Variants in GABRB1 observed in about 807,000 individuals in gnomAD.
GABRB1 encodes gamma-aminobutyric acid receptor subunit beta-1.
GABRB1 carries 17 observed loss-of-function variants against 51.6 expected under a neutral mutation model. That is an observed-to-expected ratio of 0.33 (90% confidence interval 0.23 to 0.49). The LOEUF is 0.49. Among genes scored for constraint, GABRB1 ranks in the 20% least tolerant of loss-of-function variants. GABRB1 has a pLI of 0.99. For missense variants in GABRB1, 410 were observed against 600.6 expected, an observed-to-expected ratio of 0.68 and a Z score of 3.32; for synonymous variants, 247 against 218.9, an observed-to-expected ratio of 1.13 and a Z score of -1.14.
At chr4:47,097,471 G>A (rs958316809) in intron 3 of GABRB1, among the ~76,000 whole-genome samples, 4 of 151,196 alleles carry the variant, frequency 2.6e-5, no homozygotes, top group Non-Finnish European at 5.9e-5. Context: ...CCCCATTCCC[G>A]TCCTCAGTAC....
chr4:47,039,832 G>A (rs1190253439), intron 3 of GABRB1, among the ~76,000 whole-genome samples: 6 of 152,180 alleles, frequency 3.9e-5, no homozygotes, highest in Non-Finnish European at 8.8e-5. Context: ...AAAGGCACAG[G>A]GAGGATTGTC....
intron 3 of GABRB1, among the ~76,000 whole-genome samples, chr4:47,038,658 A>C (rs1166461547): frequency 6.6e-6 from 1 of 152,200 alleles, no homozygotes; most frequent in Admixed American, 6.5e-5. Flanking sequence ...AATACCACTT[A>C]ATATCCATTC....
intron 6 of GABRB1, 29 bp downstream of exon 6, chr4:47,403,484 G>A (rs1480547413): frequency 6.2e-7 from 1 of 1,613,564 alleles, no homozygotes. Context: ...AAATGTACTA[G>A]GGGTGCTGTG....
At chr4:47,006,990 A>C (rs942548680) in intron 1 of GABRB1, among the ~76,000 whole-genome samples, 3 of 152,112 alleles carry the variant, frequency 2.0e-5, no homozygotes, top group Admixed American at 1.3e-4. Context: ...CCTACAAAAA[A>C]TTAGCCAGGC....
At chr4:47,373,763 C>T (rs1006217838) in intron 5 of GABRB1, among the ~76,000 whole-genome samples, 4 of 152,078 alleles carry the variant, frequency 2.6e-5, no homozygotes, top group Admixed American at 6.5e-5. Flanking sequence ...TGGGCTCTGA[C>T]GTCAAGAATT....
chr4:47,334,819 T>A (rs1219351522), intron 5 of GABRB1, among the ~76,000 whole-genome samples: 1 of 152,188 alleles, frequency 6.6e-6, no homozygotes, highest in Non-Finnish European at 1.5e-5. Context: ...GCATTTATCC[T>A]TTTTTGATGA....
At chr4:47,392,169 G>A (rs1728020882) in intron 5 of GABRB1, among the ~76,000 whole-genome samples, 1 of 151,860 alleles carries the variant, frequency 6.6e-6, no homozygotes, top group Admixed American at 6.6e-5. Context: ...GCTTGCAGTA[G>A]AGCACAAGTT....
intron 3 of GABRB1, among the ~76,000 whole-genome samples, chr4:47,154,399 T>C (rs1440597703): frequency 1.3e-5 from 2 of 152,070 alleles, no homozygotes; most frequent in African/African-American, 4.8e-5. Flanking sequence ...ATGTATTTCT[T>C]CTCTTCCTTG....
rs1324434158 is a variant in GABRB1 at position 47,195,448 on chromosome 4, TAGATAGATTAGA to T, written c.461+33980_461+33991del. ...GATAGATAGATAGATAGATAGATGA[TAGATAGATTAGA>T]TGATAGATAGATAGATAGATAGATA... On this transcript the variant is annotated intron_variant, in intron 4 of 8. Coordinates refer to ENST00000295454, the MANE Select transcript of GABRB1 (RefSeq NM_000812.4). Among the ~76,000 whole-genome samples the T allele has an allele frequency of 6.0e-5, 5 of 83,308 alleles. 1 individual carries two copies. The East Asian group carries it at 1.9e-3, about 32-fold the overall frequency. The allele number at this position is 83,308 out of a possible 152,430, so 54.7% of individuals were successfully genotyped here.
At chr4:47,297,564 G>T (rs1284548483) in intron 4 of GABRB1, among the ~76,000 whole-genome samples, 3 of 152,146 alleles carry the variant, frequency 2.0e-5, no homozygotes, top group Admixed American at 6.5e-5. Flanking sequence ...CCAGGAAGAG[G>T]TTGAATCTCT....
Position 47,350,208 on chromosome 4 carries a change from T to TAGAGAG in GABRB1, c.544+30000_544+30001insGAGAGA, listed in dbSNP as rs1352652990. ...TTATATATATATATATATATATATATATATATATATAGAGAGAGAGAGAGA... is the reference window on the plus strand; with the variant it reads ...TTATATATATATATATATATATATATAGAGAGATATATATATAGAGAGAGAGAGAGA... On this transcript the variant is annotated intron_variant, in intron 5 of 8. Transcript: ENST00000295454. Among the ~76,000 whole-genome samples, 455 of 91,770 alleles carry TAGAGAG rather than the reference T, an allele frequency of 5.0e-3. 3 individuals carry two copies. The highest frequency in any genetic ancestry group is 0.019 in the East Asian group (46 of 2,360). 60.2% of individuals were successfully genotyped at this position (91,770 alleles called of 152,430 possible). A position where few individuals can be genotyped will look rare whatever the true frequency, so the allele number is the denominator to read the frequency against.
At chr4:47,253,238 G>T (rs373044008) in intron 4 of GABRB1, among the ~76,000 whole-genome samples, 2 of 152,290 alleles carry the variant, frequency 1.3e-5, no homozygotes, top group South Asian at 4.1e-4. Context: ...TTACCGTTAG[G>T]CATTTGAAGA....
chr4:47,156,694 C>T (rs752303504), intron 3 of GABRB1, among the ~76,000 whole-genome samples: 5 of 151,980 alleles, frequency 3.3e-5, no homozygotes, highest in Admixed American at 6.6e-5. Flanking sequence ...TGGGGACAGG[C>T]GCAGTGGCTC....
chr4:47,067,783 T>C (rs954590673), intron 3 of GABRB1, among the ~76,000 whole-genome samples: 2 of 152,158 alleles, frequency 1.3e-5, no homozygotes, highest in African/African-American at 4.8e-5. Context: ...TATGCAGGTT[T>C]GTTACATAGG....
chr4:47,378,921 A>G (rs1037743137), intron 5 of GABRB1, among the ~76,000 whole-genome samples: 2 of 152,108 alleles, frequency 1.3e-5, no homozygotes, highest in African/African-American at 4.8e-5. Flanking sequence ...CCAGAATCCA[A>G]TTTCTGATTC....
upstream of GABRB1, among the ~76,000 whole-genome samples, chr4:47,029,792 C>A (rs1725228425): frequency 6.6e-6 from 1 of 151,952 alleles, no homozygotes. Flanking sequence ...TATTGAGTAG[C>A]TCATCTTTTC....
chr4:47,093,914 A>G (rs1714259803), intron 3 of GABRB1, among the ~76,000 whole-genome samples: 2 of 152,140 alleles, frequency 1.3e-5, no homozygotes, highest in Admixed American at 6.5e-5. Context: ...ATCCCAATGA[A>G]TGGAGCAGCT....
chr4:47,040,805 A>T (rs1219669650), intron 3 of GABRB1, among the ~76,000 whole-genome samples: 1 of 152,156 alleles, frequency 6.6e-6, no homozygotes, highest in Admixed American at 6.5e-5. Context: ...CTGGGCAAAG[A>T]CAGAATGGAA....
intron 1 of GABRB1, among the ~76,000 whole-genome samples, chr4:47,017,312 C>T (rs1724780636): frequency 1.3e-5 from 2 of 152,184 alleles, no homozygotes; most frequent in Non-Finnish European, 2.9e-5. Context: ...ATGACTCTGG[C>T]AGCTATGTGA....
Sources: allele counts gnomAD v4.1 joint callset (sites outside exome capture counted in the v4.1 genomes callset), GRCh38; gene constraint gnomAD v4.1.1; transcripts MANE v1.5; gene names NCBI Gene and HGNC (gene_info 2026-07-23, HGNC 2026-07-21).